RBFOX2: variants seen among roughly 807,000 people sequenced by gnomAD.
RBFOX2 encodes RNA binding protein fox-1 homolog 2.
A neutral mutation model predicts 49.1 loss-of-function variants in RBFOX2; 10 were observed. That is an observed-to-expected ratio of 0.20 (90% CI 0.13 to 0.35). The LOEUF is 0.35. Ranked by LOEUF, RBFOX2 falls within the 10% of genes least tolerant of loss-of-function variation. The probability of loss-of-function intolerance (pLI) is 1.00; values close to 1 mark genes in which losing one functional copy is unlikely to be tolerated. For missense variants in RBFOX2, 323 were observed against 486.9 expected, an observed-to-expected ratio of 0.66 and a Z score of 3.17; for synonymous variants, 183 against 187.4, an observed-to-expected ratio of 0.98 and a Z score of 0.19.
At chr22:35,830,524 G>A (rs1410535360) in intron 1 of RBFOX2, among the ~76,000 whole-genome samples, 2 of 152,232 alleles carry the variant, frequency 1.3e-5, no homozygotes, top group African/African-American at 2.4e-5. Context: ...ACATCACACA[G>A]TGTACTTACA....
intron 4 of RBFOX2, among the ~76,000 whole-genome samples, chr22:35,775,728 C>G (rs901981332): frequency 6.6e-6 from 1 of 151,032 alleles, no homozygotes; most frequent in African/African-American, 2.4e-5. Context: ...GTTATCCCAG[C>G]TACTCGGGAA....
chr22:35,897,460 A>G, intron 1 of RBFOX2: 2 of 838,220 alleles, frequency 2.4e-6, no homozygotes, highest in East Asian at 2.4e-5. Flanking sequence ...CTTGTTGTCC[A>G]GGACTCAAAT....
At chr22:35,914,627 C>G (rs1161440235) in intron 1 of RBFOX2, among the ~76,000 whole-genome samples, 5 of 152,198 alleles carry the variant, frequency 3.3e-5, no homozygotes, top group African/African-American at 1.2e-4. Context: ...CCCTGTGATT[C>G]AGATACCTAA....
chr22:35,935,931 C>T (rs903666993), intron 1 of RBFOX2, among the ~76,000 whole-genome samples: 2 of 152,094 alleles, frequency 1.3e-5, no homozygotes, highest in African/African-American at 4.8e-5. Context: ...TGAGAAAATA[C>T]AATGAAAGTG....
intron 1 of RBFOX2, among the ~76,000 whole-genome samples, chr22:35,816,253 G>A (rs1005547485): frequency 2.0e-5 from 3 of 151,882 alleles, no homozygotes; most frequent in African/African-American, 7.3e-5. Flanking sequence ...AAATATTCTC[G>A]TTTTTTGTTT....
intron 2 of RBFOX2, among the ~76,000 whole-genome samples, chr22:35,795,538 A>T (rs1342842262): frequency 1.3e-5 from 2 of 151,556 alleles, no homozygotes; most frequent in African/African-American, 4.9e-5. Context: ...AACTGTTATC[A>T]GATAAAGAAG....
intron 9 of RBFOX2, 43 bp from the exon 12 acceptor site, chr22:35,746,604 C>G: frequency 3.8e-6 from 5 of 1,320,476 alleles, no homozygotes; most frequent in Non-Finnish European, 5.1e-6. Flanking sequence ...ACCTCTCCCC[C>G]CAGGTGTACA....
At chr22:35,811,706 G>A (rs899359977) in intron 1 of RBFOX2, among the ~76,000 whole-genome samples, 1 of 152,158 alleles carries the variant, frequency 6.6e-6, no homozygotes, top group Admixed American at 6.6e-5. Context: ...TCATGCCCTT[G>A]TAATCCCAGC....
intron 1 of RBFOX2, among the ~76,000 whole-genome samples, chr22:35,882,469 T>G (rs1256595411): frequency 6.6e-6 from 1 of 152,202 alleles, no homozygotes; most frequent in Non-Finnish European, 1.5e-5. Flanking sequence ...GAGTTTTGCT[T>G]TAAAGGAAAA....
intron 1 of RBFOX2, among the ~76,000 whole-genome samples, chr22:35,851,252 C>A (rs1483858964): frequency 6.6e-6 from 1 of 152,212 alleles, no homozygotes; most frequent in Non-Finnish European, 1.5e-5. Context: ...GACCACTATA[C>A]TCGATTATCT....
intron 1 of RBFOX2, among the ~76,000 whole-genome samples, chr22:35,812,557 G>C (rs1489284942): frequency 6.6e-6 from 1 of 152,068 alleles, no homozygotes; most frequent in East Asian, 1.9e-4. Flanking sequence ...TGAATCTACT[G>C]GCCTGAAGAC....
chr22:35,778,715 T>C (rs1269486058), intron 3 of RBFOX2, among the ~76,000 whole-genome samples: 1 of 151,926 alleles, frequency 6.6e-6, no homozygotes, highest in African/African-American at 2.4e-5. Flanking sequence ...TGGCTCTCTG[T>C]AACCTCTGCC....
chr22:35,870,114 A>G (rs1335375261), intron 1 of RBFOX2, among the ~76,000 whole-genome samples: 3 of 152,226 alleles, frequency 2.0e-5, no homozygotes, highest in African/African-American at 7.2e-5. Flanking sequence ...AGTAGTCTAT[A>G]TGCAAAAGAA....
chr22:36,017,343 A>G (rs1337785879), intron 1 of RBFOX2, among the ~76,000 whole-genome samples: 1 of 152,038 alleles, frequency 6.6e-6, no homozygotes, highest in Admixed American at 6.5e-5. Flanking sequence ...CCTGGCCAAC[A>G]TGGTGAAACC....
At chr22:35,946,000 T>G (rs557825493) in intron 1 of RBFOX2, among the ~76,000 whole-genome samples, 1 of 152,030 alleles carries the variant, frequency 6.6e-6, no homozygotes, top group Admixed American at 6.5e-5. Context: ...CGCTCCCCCC[T>G]TTTTTTTAAA....
At chr22:35,755,581 C>T (rs1331112337) in intron 9 of RBFOX2, among the ~76,000 whole-genome samples, 1 of 152,154 alleles carries the variant, frequency 6.6e-6, no homozygotes, top group Non-Finnish European at 1.5e-5. Flanking sequence ...ATCACAAGGT[C>T]ATGTTCTCTC....
intron 9 of RBFOX2, among the ~76,000 whole-genome samples, chr22:35,757,896 A>T (rs566281657): frequency 2.0e-5 from 3 of 152,308 alleles, no homozygotes; most frequent in South Asian, 2.1e-4. Context: ...TAGTAAGGGG[A>T]TATAGGCAAA....
At position 35,796,435 on chromosome 22, in the gene RBFOX2, A is replaced by G. The variant is rs576583781; in HGVS notation, c.252+13345T>C. On this transcript the variant is annotated intron_variant, in intron 2 of 11. Transcript: ENST00000405409. ...ACTCCTTTTAATGTATGGATTTACT[A>G]TTACAGTATGTTATTTTAACTTAAG... is the stretch of plus-strand genomic sequence containing the variant. Among the ~76,000 whole-genome samples the G allele has an allele frequency of 1.2e-4, 18 of 152,358 alleles. No individual in the cohort carries two copies. The South Asian group carries it at 2.5e-3, about 21-fold the overall frequency.
chr22:35,835,482 G>A (rs1957493743), intron 1 of RBFOX2, among the ~76,000 whole-genome samples: 3 of 113,846 alleles, frequency 2.6e-5, no homozygotes, highest in African/African-American at 6.7e-5. Context: ...TTTCTCAGGG[G>A]AGAACAGAAA....
Sources: gnomAD v4.1 joint callset for allele counts (sites outside exome capture counted in the v4.1 genomes callset) on GRCh38, gnomAD v4.1.1 for gene constraint, MANE v1.5 for transcripts, NCBI Gene and HGNC (gene_info 2026-07-23, HGNC 2026-07-21) for gene names.